The following CSMD2 variants were observed in gnomAD, a reference collection of about 807,000 sequenced individuals.
CSMD2 encodes the protein CUB and Sushi multiple domains 2.
A neutral mutation model predicts 398.5 loss-of-function variants in CSMD2; 130 were observed. That is an observed-to-expected ratio of 0.33 (90% CI 0.28 to 0.38). The LOEUF (loss-of-function observed/expected upper bound fraction) is 0.38. Ranked by LOEUF, CSMD2 falls within the 10% of genes least tolerant of loss-of-function variation. The probability of loss-of-function intolerance (pLI) is 1.00; values close to 1 mark genes in which losing one functional copy is unlikely to be tolerated. For missense variants in CSMD2, 3,829 were observed against 4,764.9 expected, an observed-to-expected ratio of 0.80 and a Z score of 5.78; for synonymous variants, 1,828 against 1,908.5, an observed-to-expected ratio of 0.96 and a Z score of 1.10.
At chr1:33,817,891 G>A (rs917887056) in intron 9 of CSMD2, among the ~76,000 whole-genome samples, 7 of 152,190 alleles carry the variant, frequency 4.6e-5, no homozygotes, top group African/African-American at 9.7e-5. Context: ...AGATGACCAC[G>A]TGAAAAAGCC....
intron 2 of CSMD2, among the ~76,000 whole-genome samples, chr1:34,086,761 G>A: frequency 6.6e-6 from 1 of 152,122 alleles, no homozygotes. Flanking sequence ...GATGGCAAAG[G>A]CCTGTCACAG....
intron 4 of CSMD2, among the ~76,000 whole-genome samples, chr1:33,931,056 C>T (rs1195053564): frequency 6.6e-6 from 1 of 152,260 alleles, no homozygotes; most frequent in African/African-American, 2.4e-5. Context: ...CTCAGAGCTA[C>T]TGGGCAGGTG....
At chr1:33,516,908 A>G (rs1653817819) in intron 70 of CSMD2, among the ~76,000 whole-genome samples, 1 of 35,404 alleles carries the variant, frequency 2.8e-5, no homozygotes, top group Non-Finnish European at 6.2e-5. Flanking sequence ...ATCAGATGAA[A>G]AAAAAAAAAT....
intron 25 of CSMD2, among the ~76,000 whole-genome samples, chr1:33,692,130 T>C (rs1473039285): frequency 6.6e-6 from 1 of 152,260 alleles, no homozygotes; most frequent in Non-Finnish European, 1.5e-5. Context: ...TATTAGGGCT[T>C]ACTATTATTA....
Position 33,846,924 on chromosome 1 carries a change from A to G in CSMD2, c.993T>C (p.Asp331=), listed in dbSNP as rs1231395217. Residue 331 remains aspartate, a synonymous_variant, in exon 6 of 71, where the codon GAT becomes GAC. Transcript: ENST00000373381. ...KNWLRLHFTS[D]GNHRQRGFSA... The stretch of plus-strand genomic sequence containing the variant: ...TGAATCCGCGCTGCCGGTGGTTGCC[A>G]TCCGATGTGAAGTGCAGTCGCAGCC... 2 of 1,610,442 alleles carry G rather than the reference A, an allele frequency of 1.2e-6. No individual in the cohort carries two copies. Among genetic ancestry groups the G allele is most frequent in the Non-Finnish European group, 1.7e-6 (2 of 1,178,036 alleles).
intron 13 of CSMD2, among the ~76,000 whole-genome samples, chr1:33,747,922 G>A (rs1485126957): frequency 6.6e-6 from 1 of 152,202 alleles, no homozygotes; most frequent in Admixed American, 6.5e-5. Context: ...GGAGGCAAAT[G>A]TGAACAACAA....
intron 7 of CSMD2, among the ~76,000 whole-genome samples, chr1:33,821,582 C>T (rs1047323414): frequency 6.6e-6 from 1 of 152,192 alleles, no homozygotes; most frequent in Non-Finnish European, 1.5e-5. Flanking sequence ...CATTCAATGT[C>T]CCATAAGGTG....
intron 41 of CSMD2, among the ~76,000 whole-genome samples, chr1:33,609,708 G>A (rs145332981): frequency 3.3e-5 from 5 of 152,110 alleles, no homozygotes; most frequent in East Asian, 1.9e-4. Context: ...ACTATAGTAC[G>A]ATCCAATTTT....
intron 25 of CSMD2, among the ~76,000 whole-genome samples, chr1:33,692,044 T>C (rs186837197): frequency 6.6e-6 from 1 of 152,338 alleles, no homozygotes; most frequent in East Asian, 1.9e-4. Flanking sequence ...CTGTGCAAAC[T>C]TAGAAATGCT....
chr1:33,850,791 G>A (rs1056934876), intron 5 of CSMD2, among the ~76,000 whole-genome samples: 1 of 151,818 alleles, frequency 6.6e-6, no homozygotes, highest in Non-Finnish European at 1.5e-5. Context: ...TGTTAAGTGG[G>A]GCTTCATTAA....
chr1:34,127,799 G>T (rs544451468), intron 1 of CSMD2, among the ~76,000 whole-genome samples: 2 of 152,122 alleles, frequency 1.3e-5, no homozygotes, highest in Non-Finnish European at 2.9e-5. Flanking sequence ...CCCAGGGCTG[G>T]AGCGTGTAGA....
intron 9 of CSMD2, chr1:33,812,880 C>A (rs967666241): frequency 2.0e-5 from 3 of 151,944 alleles, no homozygotes; most frequent in Non-Finnish European, 4.4e-5. Context: ...GATCCTTTTT[C>A]TGCCTTTCCT....
Position 33,519,745 on chromosome 1 carries a change from C to CG in CSMD2, c.10736+66dup, listed in dbSNP as rs1307266356. ...CACAGAGAGGCTTAGGGGTCTGGTG[C>CG]GGGGGGCCCTGGAGGGAGAGAGGGA... On this transcript the variant is annotated intron_variant, in intron 69 of 70. Coordinates refer to ENST00000373381, the MANE Select transcript of CSMD2 (RefSeq NM_001281956.2). This position sits in a 1 kb window ranked among gnomAD's most constrained non-coding sequence, Gnocchi z 5.6. The CG allele has an allele frequency of 6.2e-6, 10 of 1,612,088 alleles. No homozygotes were observed. The highest frequency in any genetic ancestry group is 7.6e-6 in the Non-Finnish European group (9 of 1,178,664).
At chr1:34,088,649 T>C (rs942140424) in intron 2 of CSMD2, among the ~76,000 whole-genome samples, 3 of 152,254 alleles carry the variant, frequency 2.0e-5, no homozygotes, top group Admixed American at 2.0e-4. Flanking sequence ...AACACCCATA[T>C]CTGTTGGTTC....
intron 2 of CSMD2, among the ~76,000 whole-genome samples, chr1:34,053,864 T>C (rs757674482): frequency 1.3e-4 from 20 of 152,182 alleles, no homozygotes; most frequent in Admixed American, 5.9e-4. Flanking sequence ...ATAAGACCCA[T>C]TGATTACTGG....
At chr1:33,725,242 C>A in intron 17 of CSMD2, 107 bp downstream of exon 17, 1 of 921,686 alleles carries the variant, frequency 1.1e-6, no homozygotes, top group Non-Finnish European at 1.7e-6. Flanking sequence ...CCAAGAACAC[C>A]ATGGGGATGG....
intron 15 of CSMD2, among the ~76,000 whole-genome samples, chr1:33,729,632 C>A (rs933295179): frequency 5.3e-5 from 8 of 149,548 alleles, no homozygotes; most frequent in African/African-American, 2.0e-4. Flanking sequence ...CCTCCCCCCT[C>A]CCCCCACCCC....
At chr1:33,765,472 G>A (rs2149312937) in intron 13 of CSMD2, among the ~76,000 whole-genome samples, 1 of 152,194 alleles carries the variant, frequency 6.6e-6, no homozygotes, top group East Asian at 1.9e-4. Flanking sequence ...CAAATCAAAA[G>A]GGAAATGAAT....
chr1:33,635,261 G>T lies in CSMD2; in HGVS notation c.5039C>A (p.Thr1680Asn). Reference sequence around the variant, plus strand: ...AAAATACAAGCAGATCTGTCCACTGGTGTAGTTCTGGGGGTAGTTGGGGGA... The same window carrying T: ...AAAATACAAGCAGATCTGTCCACTGTTGTAGTTCTGGGGGTAGTTGGGGGA... ...VLSPNYPQNYTSGQICLYFVT... is the reference protein window; with the variant it reads ...VLSPNYPQNYNSGQICLYFVT... Residue 1680 changes from threonine (T) to asparagine (N), a missense_variant, in exon 31 of 71, where the codon ACC (threonine) becomes AAC (asparagine). This residue lies in a region of CSMD2 where 2,001 missense variants were observed against 2,567.1 expected (regional missense o/e 0.78). Coordinates refer to ENST00000373381, the MANE Select transcript of CSMD2 (RefSeq NM_001281956.2). This position sits in a 1 kb window ranked among gnomAD's most constrained non-coding sequence, Gnocchi z 5.0. 5 of 1,613,646 alleles carry T rather than the reference G, an allele frequency of 3.1e-6. No individual in the cohort carries two copies. The highest frequency in any genetic ancestry group is 4.2e-6 in the Non-Finnish European group (5 of 1,179,616).
Sources: gnomAD v4.1 joint callset for allele counts (sites outside exome capture counted in the v4.1 genomes callset) on GRCh38, gnomAD v4.1.1 for gene constraint, gnomAD v4.1.1 regional missense constraint, Gnocchi (gnomAD v3.1) non-coding constraint, MANE v1.5 for transcripts, NCBI Gene and HGNC (gene_info 2026-07-23, HGNC 2026-07-21) for gene names.